Variants in BTRC observed in about 807,000 individuals in gnomAD.
BTRC encodes the protein F-box/WD repeat-containing protein 1A.
BTRC carries 42 observed loss-of-function variants against 85.5 expected under a neutral mutation model. That is an observed-to-expected ratio of 0.49 (90% CI 0.38 to 0.64). The LOEUF (loss-of-function observed/expected upper bound fraction) is 0.64. Ranked by LOEUF, BTRC falls within the 30% of genes least tolerant of loss-of-function variation. BTRC has a pLI of 0.00. For missense variants in BTRC, 594 were observed against 743.5 expected (o/e 0.80, Z 2.34); for synonymous variants, 255 against 263.3 (o/e 0.97, Z 0.30).
intron 1 of BTRC, among the ~76,000 whole-genome samples, chr10:101,387,528 C>CCTTTTTTTTTTTTT (rs1399986557): frequency 2.2e-5 from 1 of 45,122 alleles, no homozygotes; most frequent in African/African-American, 1.5e-4. Flanking sequence ...CTTCATGGGA[C>CCTTTTTTTTTTTTT]TTTTTTTTTT....
chr10:101,514,953 GTTTGT>G (rs909187705), intron 4 of BTRC, among the ~76,000 whole-genome samples: 6 of 151,922 alleles, frequency 3.9e-5, no homozygotes, highest in Admixed American at 6.6e-5. Context: ...TTAGGGTTTT[GTTTGT>G]TTTGTTTTGT....
chr10:101,437,678 T>C (rs1944566928), intron 2 of BTRC, among the ~76,000 whole-genome samples: 1 of 152,234 alleles, frequency 6.6e-6, no homozygotes, highest in Non-Finnish European at 1.5e-5. Flanking sequence ...ATCTCATAGA[T>C]AGCTGCTCAC....
chr10:101,409,513 C>T (rs758606887), intron 1 of BTRC, among the ~76,000 whole-genome samples: 12 of 152,074 alleles, frequency 7.9e-5, no homozygotes, highest in South Asian at 2.1e-4. Flanking sequence ...ATTGTGTGAA[C>T]GTCATCTAGT....
At chr10:101,387,449 T>C (rs1943107823) in intron 1 of BTRC, among the ~76,000 whole-genome samples, 1 of 150,908 alleles carries the variant, frequency 6.6e-6, no homozygotes. Context: ...TGCTTTATAA[T>C]ACACCTTTTT....
chr10:101,531,631 G>A (rs1225348633), intron 7 of BTRC, among the ~76,000 whole-genome samples: 2 of 152,082 alleles, frequency 1.3e-5, no homozygotes, highest in Non-Finnish European at 2.9e-5. Flanking sequence ...TGAGATAGGA[G>A]AATCACTTGA....
At chr10:101,445,071 G>A (rs780172291) in intron 2 of BTRC, among the ~76,000 whole-genome samples, 2 of 152,140 alleles carry the variant, frequency 1.3e-5, no homozygotes, top group East Asian at 3.8e-4. Context: ...TTTAGTTATC[G>A]ACATTTCATT....
intron 1 of BTRC, among the ~76,000 whole-genome samples, chr10:101,417,589 C>A (rs920321309): frequency 6.6e-6 from 1 of 152,088 alleles, no homozygotes; most frequent in Admixed American, 6.6e-5. Flanking sequence ...TTATATTTTT[C>A]CAATTAAAAC....
chr10:101,414,933 GA>G (rs562011882), intron 1 of BTRC, among the ~76,000 whole-genome samples: 6 of 152,000 alleles, frequency 3.9e-5, no homozygotes, highest in Non-Finnish European at 8.8e-5. Flanking sequence ...TTTATAAAGT[GA>G]AAAAGTCACA....
chr10:101,503,325 T>C (rs1461166323), intron 4 of BTRC, among the ~76,000 whole-genome samples: 1 of 152,206 alleles, frequency 6.6e-6, no homozygotes, highest in East Asian at 1.9e-4. Flanking sequence ...AGTCATTGAC[T>C]TGGAGCTTCA....
At chr10:101,453,225 A>G (rs1157513199) in intron 2 of BTRC, among the ~76,000 whole-genome samples, 1 of 152,218 alleles carries the variant, frequency 6.6e-6, no homozygotes, top group African/African-American at 2.4e-5. Flanking sequence ...TGTGTTTGCA[A>G]TTAGTTACTA....
chr10:101,443,366 A>G (rs936636483), intron 2 of BTRC, among the ~76,000 whole-genome samples: 1 of 152,194 alleles, frequency 6.6e-6, no homozygotes, highest in South Asian at 2.1e-4. Flanking sequence ...AAATAAATAC[A>G]CTGAGGACAA....
intron 1 of BTRC, among the ~76,000 whole-genome samples, chr10:101,412,529 A>T (rs1002536010): frequency 6.6e-6 from 1 of 152,234 alleles, no homozygotes; most frequent in African/African-American, 2.4e-5. Context: ...GCCTTATGGT[A>T]GAATCTAAAG....
chr10:101,521,127 C>T lies in BTRC; in HGVS notation c.325-512C>T, dbSNP rs187155139. ...TACAAAAAAAAATGTTAAAAATTAG[C>T]AGGACATGATAGTGTGTACCTATAT... On this transcript the variant is annotated intron_variant, in intron 4 of 14. Coordinates refer to ENST00000370187, the MANE Select transcript of BTRC (RefSeq NM_033637.4). Among the ~76,000 whole-genome samples the T allele has an allele frequency of 4.4e-3, 669 of 152,134 alleles. 3 individuals carry two copies. Among genetic ancestry groups the T allele is most frequent in the Middle Eastern group, 0.014 (4 of 294 alleles).
At chr10:101,363,625 A>C (rs1302260528) in intron 1 of BTRC, among the ~76,000 whole-genome samples, 1 of 151,900 alleles carries the variant, frequency 6.6e-6, no homozygotes, top group Non-Finnish European at 1.5e-5. Flanking sequence ...CGCCCGGCTA[A>C]GTTTTGTATT....
intron 6 of BTRC, among the ~76,000 whole-genome samples, chr10:101,528,356 A>G (rs1238377742): frequency 6.6e-6 from 1 of 152,216 alleles, no homozygotes; most frequent in Non-Finnish European, 1.5e-5. Flanking sequence ...AAATGGCAAG[A>G]TCTTTTATGT....
chr10:101,354,113 G>A, upstream of BTRC: 1 of 1,527,798 alleles, frequency 6.5e-7, no homozygotes. Flanking sequence ...TCCGGGCGCT[G>A]CGTTGGCTGC....
intron 4 of BTRC, among the ~76,000 whole-genome samples, chr10:101,480,721 A>G (rs1276684104): frequency 2.0e-5 from 3 of 152,240 alleles, no homozygotes; most frequent in African/African-American, 7.2e-5. Flanking sequence ...CACACAAAAT[A>G]TAACCATCGA....
chr10:101,532,957 G>C lies in BTRC; in HGVS notation c.984G>C (p.Trp328Cys). The C allele has an allele frequency of 6.2e-7, 1 of 1,608,954 alleles. No individual in the cohort carries two copies. The highest frequency in any genetic ancestry group is 8.5e-7 in the Non-Finnish European group (1 of 1,176,026). ...SGLRDNTIKI[W>C]DKNTLECKRI... ...GATCTTATTTGCCATCCTAGATCTG[G>C]GATAAAAACACATTGGAATGCAAGC... Residue 328 changes from tryptophan to cysteine, a missense_variant, in exon 9 of 15, where the codon TGG becomes TGC. By Grantham distance (215) the Trp-to-Cys change is radical. Transcript: ENST00000370187.
At chr10:101,527,987 G>A (rs1266240141) in intron 6 of BTRC, among the ~76,000 whole-genome samples, 1 of 152,074 alleles carries the variant, frequency 6.6e-6, no homozygotes, top group Non-Finnish European at 1.5e-5. Flanking sequence ...CCATCATTTT[G>A]CTAAGAGTGC....
Sources: allele counts gnomAD v4.1 joint callset (sites outside exome capture counted in the v4.1 genomes callset), GRCh38; gene constraint gnomAD v4.1.1; transcripts MANE v1.5; gene names NCBI Gene and HGNC (gene_info 2026-07-23, HGNC 2026-07-21).